RASGRF2: variants seen among roughly 807,000 people sequenced by gnomAD.
RASGRF2 encodes the protein ras-specific guanine nucleotide-releasing factor 2.
RASGRF2 carries 76 observed loss-of-function variants against 151.0 expected under a neutral mutation model. That is an observed-to-expected ratio of 0.50 (90% CI 0.42 to 0.61). The LOEUF (loss-of-function observed/expected upper bound fraction) is 0.61, where lower values mean the gene tolerates loss of function less well. Among genes scored for constraint, RASGRF2 ranks in the 20% least tolerant of loss-of-function variants. RASGRF2 has a pLI of 0.00. For missense variants in RASGRF2, 1,148 were observed against 1,564.6 expected (o/e 0.73, Z 4.49); for synonymous variants, 504 against 566.5 (o/e 0.89, Z 1.57).
intron 17 of RASGRF2, among the ~76,000 whole-genome samples, chr5:81,157,848 C>T (rs1754298661): frequency 6.6e-6 from 1 of 152,190 alleles, no homozygotes; most frequent in Non-Finnish European, 1.5e-5. Context: ...ACTTATCTCC[C>T]ACCAGGTCCC....
At chr5:81,037,476 G>T (rs997549603) in intron 1 of RASGRF2, among the ~76,000 whole-genome samples, 1 of 151,972 alleles carries the variant, frequency 6.6e-6, no homozygotes, top group Non-Finnish European at 1.5e-5. Flanking sequence ...GAAGATTGTA[G>T]GATCCTCTTT....
At chr5:81,146,314 G>A (rs1385013342) in intron 17 of RASGRF2, among the ~76,000 whole-genome samples, 2 of 152,108 alleles carry the variant, frequency 1.3e-5, no homozygotes. Context: ...CTGTGTGTAA[G>A]GCTGAATTTT....
intron 26 of RASGRF2, among the ~76,000 whole-genome samples, chr5:81,222,250 C>A (rs950375181): frequency 6.6e-6 from 1 of 152,110 alleles, no homozygotes; most frequent in African/African-American, 2.4e-5. Context: ...GCTAAATATA[C>A]TGATGCCCCC....
intron 16 of RASGRF2, among the ~76,000 whole-genome samples, chr5:81,124,361 G>T (rs745461598): frequency 6.8e-6 from 1 of 145,992 alleles, no homozygotes; most frequent in Non-Finnish European, 1.5e-5. Flanking sequence ...TGCATTTTGT[G>T]AGGAGTAACG....
chr5:81,030,207 C>G (rs979070174), intron 1 of RASGRF2, among the ~76,000 whole-genome samples: 1 of 152,136 alleles, frequency 6.6e-6, no homozygotes, highest in African/African-American at 2.4e-5. Context: ...GAGAATGGAA[C>G]CAAGTTGGAA....
intron 16 of RASGRF2, among the ~76,000 whole-genome samples, chr5:81,126,623 C>G (rs1443950554): frequency 2.0e-5 from 3 of 152,166 alleles, no homozygotes; most frequent in Non-Finnish European, 4.4e-5. Context: ...ATGGGTTCAC[C>G]TCTGCTGGAC....
chr5:81,127,322 G>T (rs955441697), intron 17 of RASGRF2, among the ~76,000 whole-genome samples, 159 bp downstream of exon 17: 1 of 152,132 alleles, frequency 6.6e-6, no homozygotes, highest in Non-Finnish European at 1.5e-5. Context: ...CCAGTAGTTT[G>T]AGACTAGCCA....
chr5:81,091,004 T>C (rs908003512), intron 9 of RASGRF2, among the ~76,000 whole-genome samples: 15 of 152,182 alleles, frequency 9.9e-5, no homozygotes, highest in Admixed American at 8.5e-4. Context: ...ATGGCCCCCA[T>C]GGCAGAGCTA....
At chr5:81,001,886 G>T (rs1378432649) in intron 1 of RASGRF2, among the ~76,000 whole-genome samples, 1 of 152,124 alleles carries the variant, frequency 6.6e-6, no homozygotes, top group African/African-American at 2.4e-5. Flanking sequence ...GGGAATTCTG[G>T]GTTTCTCCTC....
chr5:81,137,299 G>C (rs1753777016), intron 17 of RASGRF2, among the ~76,000 whole-genome samples: 1 of 152,152 alleles, frequency 6.6e-6, no homozygotes, highest in South Asian at 2.1e-4. Context: ...AGGCTAAGCT[G>C]TCATGTTTGG....
At position 81,073,194 on chromosome 5, in the gene RASGRF2, T is replaced by C. The variant is rs750067569; in HGVS notation, c.634-5T>C. On this transcript the variant is annotated splice_polypyrimidine_tract_variant and splice_region_variant and intron_variant, in intron 4 of 26. Coordinates refer to ENST00000265080, the MANE Select transcript of RASGRF2 (RefSeq NM_006909.3). ...CAGATTCCTTTCTGATTTTTTGTTC[T>C]GTAGGTTCAGAGCTTCATGCGAGGA... 4.4e-6 allele frequency: 7 copies of C among 1,608,532 alleles called. No homozygotes were observed. The East Asian group carries it at 1.1e-4, about 26-fold the overall frequency.
intron 2 of RASGRF2, among the ~76,000 whole-genome samples, chr5:81,046,153 C>T (rs1367755065): frequency 2.0e-5 from 3 of 152,040 alleles, no homozygotes; most frequent in Non-Finnish European, 4.4e-5. Context: ...CTGTAGATGC[C>T]ACTTAGATAC....
chr5:81,116,243 T>C (rs1753154256), intron 15 of RASGRF2, among the ~76,000 whole-genome samples: 1 of 151,754 alleles, frequency 6.6e-6, no homozygotes, highest in African/African-American at 2.4e-5. Context: ...CCATCATGCC[T>C]TGCTAATTTT....
intron 1 of RASGRF2, among the ~76,000 whole-genome samples, chr5:81,013,510 A>C (rs976104855): frequency 2.0e-5 from 3 of 152,090 alleles, no homozygotes; most frequent in Non-Finnish European, 4.4e-5. Context: ...CACGGAGCTC[A>C]TGCACAATTC....
intron 15 of RASGRF2, 48 bp downstream of exon 15, chr5:81,113,968 C>G (rs1370551674): frequency 1.9e-6 from 3 of 1,558,732 alleles, no homozygotes; most frequent in Non-Finnish European, 2.6e-6. Flanking sequence ...TTGCTGGCCG[C>G]CTGCCTCCTC....
intron 18 of RASGRF2, among the ~76,000 whole-genome samples, chr5:81,198,880 A>G (rs1010671275): frequency 1.3e-5 from 2 of 152,364 alleles, no homozygotes; most frequent in Admixed American, 6.5e-5. Context: ...ACATGCAAGT[A>G]TATGTCTCTT....
intron 1 of RASGRF2, among the ~76,000 whole-genome samples, chr5:80,962,788 T>G (rs13436790): frequency 0.023 from 3,465 of 152,318 alleles, 148 homozygotes; most frequent in African/African-American, 0.079. Flanking sequence ...TCCAAATAGT[T>G]TGACTTTCAT....
At chr5:81,062,654 G>C (rs1297261467) in intron 2 of RASGRF2, among the ~76,000 whole-genome samples, 1 of 152,164 alleles carries the variant, frequency 6.6e-6, no homozygotes, top group South Asian at 2.1e-4. Flanking sequence ...GTGTCCCAAA[G>C]TATCAAGGTT....
intron 2 of RASGRF2, among the ~76,000 whole-genome samples, chr5:81,058,874 A>G (rs1436323318): frequency 6.6e-6 from 1 of 151,726 alleles, no homozygotes; most frequent in African/African-American, 2.4e-5. Context: ...ATCATATTAG[A>G]TGATTTATTT....
Sources: gnomAD v4.1 joint callset for allele counts (sites outside exome capture counted in the v4.1 genomes callset) on GRCh38, gnomAD v4.1.1 for gene constraint, MANE v1.5 for transcripts, NCBI Gene and HGNC (gene_info 2026-07-23, HGNC 2026-07-21) for gene names.